PDE8B: variants seen among roughly 807,000 people sequenced by gnomAD.
PDE8B encodes high affinity cAMP-specific and IBMX-insensitive 3',5'-cyclic phosphodiesterase 8B.
PDE8B carries 26 observed loss-of-function variants against 101.3 expected under a neutral mutation model. The observed-to-expected ratio is 0.26, with a 90% CI of 0.19 to 0.36. The LOEUF (loss-of-function observed/expected upper bound fraction) is 0.36. Among genes scored for constraint, PDE8B ranks in the 10% least tolerant of loss-of-function variants. The pLI, the probability that PDE8B is intolerant of heterozygous loss-of-function variation, is 1.00. For missense variants in PDE8B, 810 were observed against 1,163.1 expected (o/e 0.70, Z 4.42); for synonymous variants, 424 against 429.3 (o/e 0.99, Z 0.15).
At chr5:77,304,174 C>T (rs903376924) in intron 1 of PDE8B, among the ~76,000 whole-genome samples, 2 of 152,148 alleles carry the variant, frequency 1.3e-5, no homozygotes, top group South Asian at 4.2e-4. Context: ...TCTGAGGGGC[C>T]ACTTTCTTGC....
intron 15 of PDE8B, 51 bp from the exon 16 acceptor site, chr5:77,412,049 A>C: frequency 1.2e-6 from 2 of 1,601,604 alleles, no homozygotes; most frequent in Non-Finnish European, 1.7e-6. Flanking sequence ...ACACCCGGGC[A>C]CTCAAGATTC....
chr5:77,334,463 CA>C (rs1201125500), intron 5 of PDE8B, among the ~76,000 whole-genome samples: 6 of 152,114 alleles, frequency 3.9e-5, no homozygotes, highest in African/African-American at 1.4e-4. Context: ...TTTCTATTTG[CA>C]AAAATATTTG....
At chr5:77,385,116 G>C (rs1198439376) in intron 10 of PDE8B, among the ~76,000 whole-genome samples, 1 of 152,124 alleles carries the variant, frequency 6.6e-6, no homozygotes, top group Admixed American at 6.6e-5. Flanking sequence ...ACTTCTTTTG[G>C]TTGGTAGGCT....
chr5:77,364,756 G>A (rs1422509411), intron 10 of PDE8B, among the ~76,000 whole-genome samples: 1 of 152,150 alleles, frequency 6.6e-6, no homozygotes, highest in Non-Finnish European at 1.5e-5. Flanking sequence ...AGGAAGAAAA[G>A]GGCCAGGTCT....
intron 1 of PDE8B, among the ~76,000 whole-genome samples, chr5:77,283,266 G>A (rs1765375836): frequency 6.6e-6 from 1 of 152,072 alleles, no homozygotes; most frequent in Non-Finnish European, 1.5e-5. Context: ...GGAGCCATAT[G>A]CACAGCCTCT....
intron 1 of PDE8B, among the ~76,000 whole-genome samples, chr5:77,303,260 C>T (rs1375798217): frequency 6.6e-6 from 1 of 152,148 alleles, no homozygotes; most frequent in African/African-American, 2.4e-5. Flanking sequence ...AGGTCATACG[C>T]TGAGTGTGGT....
At chr5:77,205,916 T>G (rs1315270540), upstream of PDE8B, among the ~76,000 whole-genome samples, 1 of 152,214 alleles carries the variant, frequency 6.6e-6, no homozygotes, top group African/African-American at 2.4e-5. Flanking sequence ...ATCTCTAGTT[T>G]CATTATTGTA....
At chr5:77,193,926 A>G in the PDE8B span, among the ~76,000 whole-genome samples, 2 of 152,124 alleles carry the variant, frequency 1.3e-5, no homozygotes, top group African/African-American at 2.4e-5. Flanking sequence ...TTGTATTTCA[A>G]TTTCCAATGG....
chr5:77,412,912 T>A (rs771896321), intron 16 of PDE8B, among the ~76,000 whole-genome samples, 199 bp from the exon 17 acceptor site: 3 of 152,160 alleles, frequency 2.0e-5, no homozygotes, highest in Non-Finnish European at 4.4e-5. Flanking sequence ...TGTACTACCA[T>A]GAAGCATCTA....
At chr5:77,340,270 G>A (rs748339319) in intron 6 of PDE8B, among the ~76,000 whole-genome samples, 4 of 152,108 alleles carry the variant, frequency 2.6e-5, no homozygotes, top group Non-Finnish European at 4.4e-5. Context: ...AAAATTTTTG[G>A]TGGGCAAAAC....
At chr5:77,323,951 C>T (rs577255826) in intron 2 of PDE8B, among the ~76,000 whole-genome samples, 1 of 152,212 alleles carries the variant, frequency 6.6e-6, no homozygotes, top group East Asian at 1.9e-4. Flanking sequence ...AAGAGCAAGA[C>T]TCCATCTCAA....
At chr5:77,090,130 G>C in the PDE8B span, among the ~76,000 whole-genome samples, 1 of 152,202 alleles carries the variant, frequency 6.6e-6, no homozygotes, top group Non-Finnish European at 1.5e-5. Flanking sequence ...GTAGAGGTGG[G>C]GGAGTGAAGA....
intron 6 of PDE8B, among the ~76,000 whole-genome samples, chr5:77,337,683 A>C (rs2150342804): frequency 6.6e-6 from 1 of 152,334 alleles, no homozygotes; most frequent in East Asian, 1.9e-4. Flanking sequence ...GCATAGGGGC[A>C]AACTAATGGC....
At chr5:77,411,947 A>G (rs1489792205) in intron 15 of PDE8B, among the ~76,000 whole-genome samples, 153 bp from the exon 16 acceptor site, 1 of 152,248 alleles carries the variant, frequency 6.6e-6, no homozygotes, top group Non-Finnish European at 1.5e-5. Context: ...GTTAAAGTGA[A>G]TTATTTTTCT....
At chr5:77,402,597 C>T (rs1464293268) in intron 11 of PDE8B, among the ~76,000 whole-genome samples, 1 of 152,032 alleles carries the variant, frequency 6.6e-6, no homozygotes, top group East Asian at 1.9e-4. Flanking sequence ...GTAACATGAT[C>T]ACATGTGTCT....
chr5:77,204,968 T>C, the PDE8B span, among the ~76,000 whole-genome samples: 1 of 152,236 alleles, frequency 6.6e-6, no homozygotes, highest in African/African-American at 2.4e-5. Context: ...AATATATTTG[T>C]AAGACTTTAG....
At chr5:77,413,769 A>C (rs1795000161) in intron 17 of PDE8B, among the ~76,000 whole-genome samples, 1 of 152,182 alleles carries the variant, frequency 6.6e-6, no homozygotes, top group Admixed American at 6.5e-5. Flanking sequence ...TTGTGTAGGT[A>C]TGAACGTGCC....
In PDE8B at chr5:77,245,246, G is replaced by C. The variant is rs143799979; in HGVS notation, c.339+33982G>C. 6.0e-3 allele frequency among the ~76,000 whole-genome samples: 906 copies of C among 152,222 alleles called. 8 individuals are homozygous for C. Among genetic ancestry groups the C allele is most frequent in the African/African-American group, 0.021 (876 of 41,542 alleles). ...AAATACTCTCCTACTCTCCAAATTA[G>C]CGAAATGTTATACAAGCTAACAATG... On this transcript the variant is annotated intron_variant, in intron 1 of 21. Coordinates refer to ENST00000264917, the MANE Select transcript of PDE8B (RefSeq NM_003719.5).
chr5:77,233,393 C>T (rs1164082586), intron 1 of PDE8B, among the ~76,000 whole-genome samples: 1 of 152,068 alleles, frequency 6.6e-6, no homozygotes, highest in East Asian at 1.9e-4. Context: ...GCCTTGACTT[C>T]CTTTTCGTGG....
Sources: gnomAD v4.1 joint callset for allele counts (sites outside exome capture counted in the v4.1 genomes callset) on GRCh38, gnomAD v4.1.1 for gene constraint, MANE v1.5 for transcripts, NCBI Gene and HGNC (gene_info 2026-07-23, HGNC 2026-07-21) for gene names.